SPIRE1: variants seen among roughly 807,000 people sequenced by gnomAD.
SPIRE1 encodes protein spire homolog 1.
Under a neutral mutation model 94.1 loss-of-function variants are expected in SPIRE1, and 40 were observed. That is an observed-to-expected ratio of 0.43 (90% CI 0.33 to 0.55). SPIRE1 has a LOEUF of 0.55. Among genes scored for constraint, SPIRE1 ranks in the 20% least tolerant of loss-of-function variants. SPIRE1 has a pLI of 0.06. For synonymous variants in SPIRE1, 376 were observed against 371.7 expected (o/e 1.01, Z -0.13); for missense variants, 838 against 975.2 (o/e 0.86, Z 1.87).
intron 1 of SPIRE1, among the ~76,000 whole-genome samples, chr18:12,640,072 C>A (rs1164916699): frequency 6.6e-6 from 1 of 152,148 alleles, no homozygotes; most frequent in Non-Finnish European, 1.5e-5. Context: ...ATAATCAGAT[C>A]ATTTCACCAT....
chr18:12,606,097 G>A (rs1598521564), intron 2 of SPIRE1, among the ~76,000 whole-genome samples: 1 of 152,130 alleles, frequency 6.6e-6, no homozygotes, highest in Non-Finnish European at 1.5e-5. Context: ...GAATTGAAGT[G>A]AACCCTCTCC....
chr18:12,517,314 T>C (rs529269869), intron 4 of SPIRE1, among the ~76,000 whole-genome samples: 1 of 152,316 alleles, frequency 6.6e-6, no homozygotes, highest in Non-Finnish European at 1.5e-5. Flanking sequence ...ATACCTCTCC[T>C]TAGCCTCTTC....
intron 2 of SPIRE1, among the ~76,000 whole-genome samples, chr18:12,570,241 G>A (rs967657655): frequency 1.3e-5 from 2 of 152,172 alleles, no homozygotes; most frequent in Non-Finnish European, 2.9e-5. Context: ...AGAATGCAGC[G>A]CTTTGCTCTC....
At chr18:12,594,291 A>G (rs71351491) in intron 2 of SPIRE1, among the ~76,000 whole-genome samples, 13,476 of 152,268 alleles carry the variant, frequency 0.089, 825 homozygotes, top group Non-Finnish European at 0.13. Context: ...TGATCAAACC[A>G]ACTATGTTAT....
At chr18:12,510,526 T>C (rs2034002340) in intron 5 of SPIRE1, among the ~76,000 whole-genome samples, 4 of 151,646 alleles carry the variant, frequency 2.6e-5, no homozygotes. Context: ...CTTCCCCCAA[T>C]ACCTGGACTT....
intron 6 of SPIRE1, among the ~76,000 whole-genome samples, chr18:12,506,067 T>C (rs2033821613): frequency 6.6e-6 from 1 of 152,200 alleles, no homozygotes; most frequent in Admixed American, 6.5e-5. Flanking sequence ...GTATTACTTG[T>C]ATAAAAATAA....
intron 2 of SPIRE1, among the ~76,000 whole-genome samples, chr18:12,557,993 C>T (rs1054967320): frequency 6.6e-6 from 1 of 152,076 alleles, no homozygotes; most frequent in Non-Finnish European, 1.5e-5. Flanking sequence ...TGAAACTAGA[C>T]CCCTATCTAT....
chr18:12,595,879 GAA>G (rs2036657811), intron 2 of SPIRE1, among the ~76,000 whole-genome samples: 1 of 152,140 alleles, frequency 6.6e-6, no homozygotes, highest in Non-Finnish European at 1.5e-5. Context: ...GGTGTATTTA[GAA>G]AGTCACATTT....
intron 8 of SPIRE1, among the ~76,000 whole-genome samples, chr18:12,492,154 A>G (rs112182639): frequency 3.3e-5 from 5 of 152,292 alleles, no homozygotes; most frequent in African/African-American, 1.2e-4. Context: ...ACCATGGAAG[A>G]GGGTATGGTT....
chr18:12,606,160 A>G (rs2036970206), intron 2 of SPIRE1, among the ~76,000 whole-genome samples: 1 of 149,768 alleles, frequency 6.7e-6, no homozygotes, highest in Non-Finnish European at 1.5e-5. Flanking sequence ...CCCCCCCTTT[A>G]TTTTTCTTCA....
At chr18:12,538,649 C>A (rs1567918285) in intron 3 of SPIRE1, among the ~76,000 whole-genome samples, 1 of 152,044 alleles carries the variant, frequency 6.6e-6, no homozygotes. Context: ...TCAGAAGTCA[C>A]AAAGACAGCT....
rs77883245 is a variant in SPIRE1 at position 12,461,680 on chromosome 18, T to G, written c.1638+1671A>C. ...TCTTGCTGTGTCATCTACGCTGGGGTGGAGTGGCACATTCTTAGTTCACTG... is the reference window on the plus strand; with the variant it reads ...TCTTGCTGTGTCATCTACGCTGGGGGGGAGTGGCACATTCTTAGTTCACTG... On this transcript the variant is annotated intron_variant, in intron 12 of 16. Coordinates refer to ENST00000409402, the MANE Select transcript of SPIRE1 (RefSeq NM_001128626.2). Among the ~76,000 whole-genome samples, 905 of 151,588 alleles carry G rather than the reference T, an allele frequency of 6.0e-3. 5 individuals are homozygous for G. Among genetic ancestry groups the G allele is most frequent in the African/African-American group, 0.021 (863 of 41,410 alleles).
intron 6 of SPIRE1, among the ~76,000 whole-genome samples, chr18:12,501,924 T>C (rs2033678465): frequency 6.6e-6 from 1 of 152,210 alleles, no homozygotes; most frequent in African/African-American, 2.4e-5. Context: ...ATCATGCCAC[T>C]GCACTCCAGC....
At chr18:12,550,688 A>G (rs2035322981) in intron 2 of SPIRE1, among the ~76,000 whole-genome samples, 1 of 152,034 alleles carries the variant, frequency 6.6e-6, no homozygotes, top group Non-Finnish European at 1.5e-5. Flanking sequence ...CCCTCCTTCC[A>G]TTCACTGTTT....
upstream of SPIRE1, chr18:12,658,182 G>T: frequency 1.3e-6 from 1 of 788,324 alleles, no homozygotes; most frequent in Non-Finnish European, 1.8e-6. Context: ...GGGCCGCACG[G>T]GCCGGGGGAT....
At chr18:12,631,685 C>A (rs1226164230) in intron 2 of SPIRE1, among the ~76,000 whole-genome samples, 1 of 151,296 alleles carries the variant, frequency 6.6e-6, no homozygotes, top group Non-Finnish European at 1.5e-5. Flanking sequence ...ACCAGCCTGG[C>A]AAAACCCTGT....
intron 5 of SPIRE1, among the ~76,000 whole-genome samples, chr18:12,508,001 C>T (rs1297316406): frequency 6.6e-6 from 1 of 151,828 alleles, no homozygotes; most frequent in Non-Finnish European, 1.5e-5. Context: ...AAAAAATTAG[C>T]CGGGTGTGGT....
intron 1 of SPIRE1, among the ~76,000 whole-genome samples, chr18:12,644,031 CAAAAAAA>C (rs72419037): frequency 6.1e-5 from 8 of 132,188 alleles, no homozygotes; most frequent in Admixed American, 7.9e-5. Flanking sequence ...CTGTCTCAAC[CAAAAAAA>C]AAAAAAAAAA....
intron 2 of SPIRE1, among the ~76,000 whole-genome samples, chr18:12,616,820 C>G (rs976704802): frequency 3.9e-5 from 6 of 152,204 alleles, no homozygotes; most frequent in African/African-American, 1.4e-4. Context: ...ATTAAGATTA[C>G]TGGTAAACCA....
Sources: gnomAD v4.1 joint callset for allele counts (sites outside exome capture counted in the v4.1 genomes callset) on GRCh38, gnomAD v4.1.1 for gene constraint, MANE v1.5 for transcripts, NCBI Gene and HGNC (gene_info 2026-07-23, HGNC 2026-07-21) for gene names.